Variants in BCL11A observed in about 807,000 individuals in gnomAD.
BCL11A encodes BCL11 transcription factor A.
In BCL11A, 2 loss-of-function variants were observed where a neutral mutation model predicts 55.9. The ratio of observed to expected loss-of-function variants is 0.04; its 90% CI spans 0.01 to 0.11. BCL11A has a LOEUF of 0.11. Among genes scored for constraint, BCL11A ranks in the 10% least tolerant of loss-of-function variants. The pLI, the probability that BCL11A is intolerant of heterozygous loss-of-function variation, is 1.00. For missense variants in BCL11A, 817 were observed against 1,137.1 expected, an observed-to-expected ratio of 0.72 and a Z score of 4.05; for synonymous variants, 465 against 473.4, an observed-to-expected ratio of 0.98 and a Z score of 0.23.
At chr2:60,467,200 GATGGC>G (rs1676722378) in intron 3 of BCL11A, among the ~76,000 whole-genome samples, 1 of 134,732 alleles carries the variant, frequency 7.4e-6, no homozygotes, top group African/African-American at 2.8e-5. Flanking sequence ...TGGTGGTGGT[GATGGC>G]GGTGATGGTA....
chr2:60,452,676 G>C, downstream of BCL11A: 2 of 1,606,418 alleles, frequency 1.2e-6, no homozygotes, highest in Non-Finnish European at 1.7e-6. Context: ...CCTAGAAAGA[G>C]GTTGGAGACA....
chr2:60,472,917 A>G lies in BCL11A; in HGVS notation c.386-4084T>C, dbSNP rs567985084. On this transcript the variant is annotated intron_variant, in intron 2 of 3. Transcript: ENST00000642384. ...TGACTGCTTTGGGAGCCCAACTTTA[A>G]CAGGTATTAAAACCACAGGACTCTC... 2.0e-4 allele frequency among the ~76,000 whole-genome samples: 31 copies of G among 152,366 alleles called. 1 individual carries two copies. In the South Asian group the frequency reaches 5.2e-3, roughly 25 times the overall value.
At chr2:60,534,082 G>T (rs575130440) in intron 2 of BCL11A, 34 of 152,228 alleles carry the variant, frequency 2.2e-4, no homozygotes, top group African/African-American at 7.9e-4. Flanking sequence ...CAATAATACA[G>T]CACAGGTTAT....
intron 1 of BCL11A, among the ~76,000 whole-genome samples, chr2:60,551,077 C>A (rs1397413731): frequency 6.6e-6 from 1 of 152,124 alleles, no homozygotes; most frequent in Non-Finnish European, 1.5e-5. Context: ...TGTGCGCACC[C>A]CCCACCACCA....
At chr2:60,494,985 T>C (rs62142615) in intron 2 of BCL11A, among the ~76,000 whole-genome samples, 5,891 of 152,258 alleles carry the variant, frequency 0.039, 160 homozygotes, top group Non-Finnish European at 0.06. Context: ...ATGTGATGGA[T>C]GGGTGGACAG....
At chr2:60,513,296 G>A (rs564846482) in intron 2 of BCL11A, among the ~76,000 whole-genome samples, 1 of 152,162 alleles carries the variant, frequency 6.6e-6, no homozygotes, top group Non-Finnish European at 1.5e-5. Context: ...TGCTAAATAT[G>A]AGACAAGGAG....
At chr2:60,517,823 T>C (rs1668801474) in intron 2 of BCL11A, among the ~76,000 whole-genome samples, 1 of 152,322 alleles carries the variant, frequency 6.6e-6, no homozygotes, top group South Asian at 2.1e-4. Flanking sequence ...TATGTCTACA[T>C]AGAAGATGCT....
chr2:60,551,263 G>A (rs1022328133), intron 1 of BCL11A, among the ~76,000 whole-genome samples: 3 of 152,226 alleles, frequency 2.0e-5, no homozygotes, highest in South Asian at 2.1e-4. Flanking sequence ...CAGTCAGCGG[G>A]AGACAGCCAC....
At chr2:60,468,620 G>C (rs1014650732) in intron 3 of BCL11A, 112 bp downstream of exon 3, 13 of 755,296 alleles carry the variant, frequency 1.7e-5, no homozygotes, top group Non-Finnish European at 2.5e-5. Flanking sequence ...TAATACATAT[G>C]ACAATCTATT....
intron 2 of BCL11A, chr2:60,526,346 C>T (rs1305549679): frequency 6.6e-6 from 1 of 152,218 alleles, no homozygotes; most frequent in Admixed American, 6.5e-5. Context: ...AGTCTCTATA[C>T]ATCTAATCAA....
intron 2 of BCL11A, among the ~76,000 whole-genome samples, chr2:60,506,697 T>G (rs892833705): frequency 5.3e-5 from 8 of 152,226 alleles, no homozygotes; most frequent in African/African-American, 1.9e-4. Flanking sequence ...TTACCACTGA[T>G]GACAGCCCCC....
chr2:60,492,354 G>A (rs545869597), intron 2 of BCL11A, among the ~76,000 whole-genome samples: 11 of 151,254 alleles, frequency 7.3e-5, no homozygotes, highest in East Asian at 5.8e-4. Flanking sequence ...GCAACACAGC[G>A]AGACCCTGTC....
intron 2 of BCL11A, among the ~76,000 whole-genome samples, chr2:60,530,678 AAAAG>A (rs1313906678): frequency 1.8e-4 from 28 of 151,568 alleles, no homozygotes; most frequent in African/African-American, 6.5e-4. Context: ...AGGTATTTAA[AAAAG>A]AAAGAAAGAA....
At chr2:60,533,232 C>T (rs1669533595) in intron 2 of BCL11A, 1 of 152,102 alleles carries the variant, frequency 6.6e-6, no homozygotes, top group African/African-American at 2.4e-5. Context: ...TTAAATAAAC[C>T]GACATGGCAA....
At chr2:60,518,968 C>T (rs1252540276) in intron 2 of BCL11A, among the ~76,000 whole-genome samples, 2 of 152,160 alleles carry the variant, frequency 1.3e-5, no homozygotes, top group Non-Finnish European at 2.9e-5. Flanking sequence ...AAATCTGCTC[C>T]CTACAATCCA....
intron 2 of BCL11A, among the ~76,000 whole-genome samples, chr2:60,515,354 G>A (rs78919997): frequency 0.026 from 4,019 of 152,294 alleles, 70 homozygotes; most frequent in Non-Finnish European, 0.042. Context: ...ATCAAGCAGC[G>A]TGAGCAAAGT....
chr2:60,457,104 A>G (rs1675976696), downstream of BCL11A: 2 of 321,128 alleles, frequency 6.2e-6, no homozygotes, highest in African/African-American at 2.2e-5. Flanking sequence ...TAATCCTGAA[A>G]AAGACTGACT....
intron 2 of BCL11A, among the ~76,000 whole-genome samples, chr2:60,473,382 G>GTC (rs1304896389): frequency 6.6e-6 from 1 of 151,988 alleles, no homozygotes; most frequent in African/African-American, 2.4e-5. Context: ...ATGAGGAGGG[G>GTC]TCTCTATATT....
chr2:60,502,695 A>T (rs1679357574), intron 2 of BCL11A, among the ~76,000 whole-genome samples: 1 of 152,398 alleles, frequency 6.6e-6, no homozygotes, highest in African/African-American at 2.4e-5. Flanking sequence ...TGATATGTTA[A>T]TAAAACTGTT....
Sources: allele counts gnomAD v4.1 joint callset (sites outside exome capture counted in the v4.1 genomes callset), GRCh38; gene constraint gnomAD v4.1.1; transcripts MANE v1.5; gene names NCBI Gene and HGNC (gene_info 2026-07-23, HGNC 2026-07-21).